RBFOX1: variants seen among roughly 807,000 people sequenced by gnomAD.
RBFOX1 encodes RNA binding fox-1 homolog 1.
Under a neutral mutation model 57.7 loss-of-function variants are expected in RBFOX1, and 8 were observed. The ratio of observed to expected loss-of-function variants is 0.14; its 90% CI spans 0.08 to 0.25. The LOEUF (loss-of-function observed/expected upper bound fraction) is 0.25. RBFOX1 is among the 10% of genes least tolerant of loss of function. RBFOX1 has a pLI of 1.00. For missense variants in RBFOX1, 611 were observed against 548.5 expected (o/e 1.11, Z -1.14); for synonymous variants, 326 against 222.4 (o/e 1.47, Z -4.15).
intron 4 of RBFOX1, among the ~76,000 whole-genome samples, chr16:7,196,831 C>T (rs112977898): frequency 1.8e-4 from 28 of 151,942 alleles, no homozygotes; most frequent in Admixed American, 7.2e-4. Flanking sequence ...GTGTTTCAAG[C>T]AAAGAGGACA....
intron 1 of RBFOX1, among the ~76,000 whole-genome samples, chr16:6,283,996 G>T (rs1202124173): frequency 6.6e-6 from 1 of 152,182 alleles, no homozygotes; most frequent in Non-Finnish European, 1.5e-5. Context: ...GTTGATCTTA[G>T]TGAGCTGTGG....
intron 3 of RBFOX1, among the ~76,000 whole-genome samples, chr16:6,865,439 A>T (rs1275248008): frequency 3.9e-5 from 6 of 152,306 alleles, no homozygotes; most frequent in East Asian, 1.9e-4. Flanking sequence ...AGTGTGTGCC[A>T]TGGGGATATT....
In RBFOX1 at chr16:6,660,677, T is replaced by C. The variant is rs554564622; in HGVS notation, c.-16+6027T>C. Among the ~76,000 whole-genome samples the C allele has an allele frequency of 1.2e-4, 18 of 152,320 alleles. No individual in the cohort carries two copies. The South Asian group carries it at 2.5e-3, about 21-fold the overall frequency. On this transcript the variant is annotated intron_variant, in intron 3 of 15. Transcript: ENST00000550418. ...GGAGTGATACAATCTGCTTGAAATATTGGCTTGAGAAATTCATAATACTGC... is the reference window on the plus strand; with the variant it reads ...GGAGTGATACAATCTGCTTGAAATACTGGCTTGAGAAATTCATAATACTGC...
chr16:5,770,920 C>G (rs535172000), intron 3 of RBFOX1, among the ~76,000 whole-genome samples: 1 of 152,306 alleles, frequency 6.6e-6, no homozygotes, highest in East Asian at 1.9e-4. Flanking sequence ...GCAAGACAGG[C>G]ACAACCAGTT....
chr16:7,174,676 A>G (rs914649688), intron 4 of RBFOX1, among the ~76,000 whole-genome samples: 1 of 152,170 alleles, frequency 6.6e-6, no homozygotes, highest in Admixed American at 6.5e-5. Context: ...GCTACTCGGG[A>G]GTCTGAGGCA....
intron 1 of RBFOX1, among the ~76,000 whole-genome samples, chr16:6,260,539 G>A (rs2097695590): frequency 6.6e-6 from 1 of 152,118 alleles, no homozygotes; most frequent in Admixed American, 6.5e-5. Context: ...TTGAGAAATG[G>A]CTTTTAATTA....
At chr16:5,817,231 T>G (rs1347674114) in intron 3 of RBFOX1, among the ~76,000 whole-genome samples, 1 of 152,192 alleles carries the variant, frequency 6.6e-6, no homozygotes, top group Non-Finnish European at 1.5e-5. Context: ...GGAGCAGCCA[T>G]GTTTCTATTA....
intron 2 of RBFOX1, among the ~76,000 whole-genome samples, chr16:5,494,074 A>T (rs1196060436): frequency 6.6e-6 from 1 of 152,166 alleles, no homozygotes; most frequent in Non-Finnish European, 1.5e-5. Flanking sequence ...CATTTCAATG[A>T]CGGGGTGTTC....
chr16:7,370,479 A>T (rs2097546129), intron 4 of RBFOX1, among the ~76,000 whole-genome samples: 1 of 152,084 alleles, frequency 6.6e-6, no homozygotes, highest in African/African-American at 2.4e-5. Context: ...TTTTTTATCA[A>T]CGCGGGTAAG....
At chr16:7,669,621 G>C (rs903869431) in intron 13 of RBFOX1, among the ~76,000 whole-genome samples, 2 of 151,944 alleles carry the variant, frequency 1.3e-5, no homozygotes, top group Non-Finnish European at 2.9e-5. Flanking sequence ...TGTATAACAA[G>C]TTTCTGGTTA....
intron 4 of RBFOX1, among the ~76,000 whole-genome samples, chr16:5,903,784 G>C (rs9926181): frequency 0.54 from 81,723 of 151,882 alleles, 22,316 homozygotes; most frequent in Middle Eastern, 0.7. Context: ...AGATGTTTCT[G>C]TGTGCCCCAG....
At chr16:6,941,762 A>G (rs1305997760) in intron 3 of RBFOX1, among the ~76,000 whole-genome samples, 1 of 152,336 alleles carries the variant, frequency 6.6e-6, no homozygotes, top group African/African-American at 2.4e-5. Context: ...ACCAAGCAAG[A>G]GGTAGAAGGC....
At chr16:6,662,247 A>G (rs2098706274) in intron 3 of RBFOX1, among the ~76,000 whole-genome samples, 1 of 152,136 alleles carries the variant, frequency 6.6e-6, no homozygotes, top group African/African-American at 2.4e-5. Context: ...TGTGTTTTAG[A>G]CTTGAAATGC....
Position 5,946,022 on chromosome 16 carries a change from A to G in RBFOX1, c.351+78687A>G, listed in dbSNP as rs2059393510. 6.6e-6 allele frequency among the ~76,000 whole-genome samples: 1 copy of G among 152,226 alleles called. No homozygotes were observed. The highest frequency in any genetic ancestry group is 2.4e-5 in the African/African-American group (1 of 41,454). ...ACCGGCGTCCACATTGGGTTTAAAA[A>G]GAGAAAAGAAGTCTGCTTTGTTTGC... On this transcript the variant is annotated intron_variant, in intron 4 of 19. Transcript: ENST00000641259. This position sits in a 1 kb window ranked among gnomAD's most constrained non-coding sequence, Gnocchi z 4.6.
At chr16:7,217,938 A>G (rs1191069025) in intron 4 of RBFOX1, among the ~76,000 whole-genome samples, 2 of 149,684 alleles carry the variant, frequency 1.3e-5, no homozygotes, top group African/African-American at 4.9e-5. Flanking sequence ...GTGTGCGTGC[A>G]TGTGTGTGTG....
chr16:6,845,664 AG>A (rs2093715433), intron 3 of RBFOX1, among the ~76,000 whole-genome samples: 1 of 94,844 alleles, frequency 1.1e-5, no homozygotes. Flanking sequence ...CATTCTACAA[AG>A]AGAAAATTTC....
intron 1 of RBFOX1, among the ~76,000 whole-genome samples, chr16:6,143,330 G>GT (rs2096733214): frequency 1.3e-5 from 2 of 152,200 alleles, no homozygotes; most frequent in African/African-American, 4.8e-5. Context: ...ATGGGTTTGT[G>GT]TACCAGATGA....
At chr16:6,937,266 C>G (rs555847227) in intron 3 of RBFOX1, among the ~76,000 whole-genome samples, 47 of 152,234 alleles carry the variant, frequency 3.1e-4, no homozygotes, top group Admixed American at 2.6e-3. Flanking sequence ...CAACAATTGC[C>G]AACTCACGAC....
chr16:5,949,541 AAAAAG>A (rs201901326), intron 4 of RBFOX1, among the ~76,000 whole-genome samples: 2,751 of 121,648 alleles, frequency 0.023, 111 homozygotes, highest in East Asian at 0.051. Context: ...AAAAAAAAAA[AAAAAG>A]AAAAGAATAC....
Sources: gnomAD v4.1 joint callset for allele counts (sites outside exome capture counted in the v4.1 genomes callset) on GRCh38, gnomAD v4.1.1 for gene constraint, Gnocchi (gnomAD v3.1) non-coding constraint, MANE v1.5 for transcripts, NCBI Gene and HGNC (gene_info 2026-07-23, HGNC 2026-07-21) for gene names.